Variants in MED12L observed in about 807,000 individuals in gnomAD.
MED12L encodes the protein mediator of RNA polymerase II transcription subunit 12-like protein.
Under a neutral mutation model 281.3 loss-of-function variants are expected in MED12L, and 60 were observed. That is an observed-to-expected ratio of 0.21 (90% confidence interval 0.17 to 0.26). MED12L has a LOEUF of 0.26. MED12L is among the 10% of genes least tolerant of loss of function. The pLI, the probability that MED12L is intolerant of heterozygous loss-of-function variation, is 1.00. For synonymous variants in MED12L, 974 were observed against 987.2 expected, an observed-to-expected ratio of 0.99 and a Z score of 0.25; for missense variants, 2,146 against 2,680.9, an observed-to-expected ratio of 0.80 and a Z score of 4.41.
In MED12L at chr3:151,300,032, G is replaced by A. The variant is rs748425167; in HGVS notation, c.2251-50027G>A. The A allele has an allele frequency of 3.4e-6, 5 of 1,461,252 alleles. No individual in the cohort carries two copies. The South Asian group carries it at 5.7e-5, about 17-fold the overall frequency. The allele number at this position is 1,461,252 out of a possible 1,614,324, so 90.5% of individuals were successfully genotyped here. Reference sequence around the variant, plus strand: ...AGTGGAAATAATAGTCATCAATAAAGTAAGATTTTCTTTGTATCTCTTACG... The same window carrying A: ...AGTGGAAATAATAGTCATCAATAAAATAAGATTTTCTTTGTATCTCTTACG... On this transcript the variant is annotated intron_variant, in intron 16 of 44. Coordinates refer to ENST00000687756, the MANE Select transcript of MED12L (RefSeq NM_001393769.1).
At chr3:151,165,776 T>C (rs1343597206) in intron 10 of MED12L, 70 bp from the exon 11 acceptor site, 3 of 1,470,706 alleles carry the variant, frequency 2.0e-6, no homozygotes, top group Non-Finnish European at 1.9e-6. Flanking sequence ...CATAGAATGG[T>C]GATTTTGTAC....
In MED12L at chr3:151,185,460, A is replaced by C. The variant is rs1374767048; in HGVS notation, c.1625A>C (p.Glu542Ala). The C allele has an allele frequency of 6.2e-7, 1 of 1,613,666 alleles. No homozygotes were observed. Among genetic ancestry groups the C allele is most frequent in the Non-Finnish European group, 8.5e-7 (1 of 1,179,880 alleles). The change falls in exon 12 of 45, where the codon GAG becomes GCG. Residue 542 changes from glutamate (E) to alanine (A), a missense_variant and splice_region_variant. By Grantham distance (107) the Glu-to-Ala change is moderately radical. This residue lies in a region of MED12L where 722 missense variants were observed against 861.2 expected (regional missense o/e 0.84). Coordinates refer to ENST00000687756, the MANE Select transcript of MED12L (RefSeq NM_001393769.1). ...AAGAGGCAAGCAGAAATTGAGGCAG[A>C]GGTAGGTTCCATTTTCTTTCTGCTT... ...LEKRQAEIEA[E>A]RCGESEVLDE...
chr3:151,270,351 A>C (rs902834119), intron 16 of MED12L, among the ~76,000 whole-genome samples: 1 of 151,938 alleles, frequency 6.6e-6, no homozygotes, highest in Non-Finnish European at 1.5e-5. Flanking sequence ...TGGGAAAAGG[A>C]TCTCTACCCC....
chr3:151,237,787 T>G (rs953254060), intron 16 of MED12L, among the ~76,000 whole-genome samples: 2 of 152,226 alleles, frequency 1.3e-5, no homozygotes, highest in Non-Finnish European at 2.9e-5. Flanking sequence ...GTTATTATAT[T>G]GTAGTCTTCA....
intron 11 of MED12L, among the ~76,000 whole-genome samples, chr3:151,181,346 T>G (rs182165616): frequency 6.6e-6 from 1 of 152,184 alleles, no homozygotes; most frequent in African/African-American, 2.4e-5. Context: ...AAATAAAAAT[T>G]GGTAGTTGTA....
chr3:151,213,373 T>C (rs1727511757), intron 16 of MED12L: 1 of 1,613,830 alleles, frequency 6.2e-7, no homozygotes, highest in Admixed American at 1.7e-5. Flanking sequence ...ATTCTGAGCT[T>C]TTAATGGAAT....
At chr3:151,294,129 T>A in intron 16 of MED12L, 1 of 1,177,966 alleles carries the variant, frequency 8.5e-7, no homozygotes, top group Admixed American at 2.2e-5. Flanking sequence ...AACATTTATT[T>A]ACACTTTGTA....
Position 151,086,951 on chromosome 3 carries a change from T to C in MED12L, c.25T>C (p.Tyr9His). The C allele has an allele frequency of 1.2e-6, 2 of 1,607,552 alleles. No individual in the cohort carries two copies. Among genetic ancestry groups the C allele is most frequent in the Non-Finnish European group, 1.7e-6 (2 of 1,177,714 alleles). ...CATGGCCGCCTTCGGGCTTCTCAGC[T>C]ATGAGCAGAGACCGCTGAAGCGCCC... Reference protein sequence around the residue: MAAFGLLSYEQRPLKRPRL... With the variant: MAAFGLLSHEQRPLKRPRL... Residue 9 changes from tyrosine to histidine, a missense_variant, in exon 2 of 45, where the codon TAT becomes CAT. Around this residue, in one of 9 missense-constraint regions of MED12L, gnomAD observed 44 missense variants for 39.7 expected, o/e 1.11. Coordinates refer to ENST00000687756, the MANE Select transcript of MED12L (RefSeq NM_001393769.1).
chr3:151,137,269 C>T (rs1716294437), intron 5 of MED12L, among the ~76,000 whole-genome samples: 1 of 151,858 alleles, frequency 6.6e-6, no homozygotes, highest in African/African-American at 2.4e-5. Flanking sequence ...AAGTACACTT[C>T]TGTTAAATTT....
intron 10 of MED12L, 63 bp from the exon 11 acceptor site, chr3:151,165,783 G>A: frequency 6.6e-7 from 1 of 1,505,922 alleles, no homozygotes; most frequent in Non-Finnish European, 9.1e-7. Context: ...TGGTGATTTT[G>A]TACTGTGTTA....
chr3:151,301,522 T>C (rs893104767), intron 16 of MED12L, among the ~76,000 whole-genome samples: 10 of 152,210 alleles, frequency 6.6e-5, no homozygotes. Flanking sequence ...ATGTTATATT[T>C]CTCATAAAGG....
chr3:151,365,509 C>A (rs1194755751), intron 22 of MED12L, among the ~76,000 whole-genome samples: 1 of 151,924 alleles, frequency 6.6e-6, no homozygotes, highest in African/African-American at 2.4e-5. Context: ...TTGAAAAAAA[C>A]CGTATTTGGG....
intron 16 of MED12L, among the ~76,000 whole-genome samples, chr3:151,286,173 C>T (rs1447427723): frequency 6.6e-6 from 1 of 152,136 alleles, no homozygotes; most frequent in Non-Finnish European, 1.5e-5. Flanking sequence ...TCACATGGCT[C>T]TACCTCCTGA....
chr3:151,158,672 T>A lies in MED12L; in HGVS notation c.727-17T>A. 6.5e-7 allele frequency: 1 copy of A among 1,538,002 alleles called. No homozygotes were observed. The highest frequency in any genetic ancestry group is 1.7e-4 in the Middle Eastern group (1 of 5,812). ...TTCTTTAACATTATTAATGTAATTT[T>A]TCTTTGTTCATTTAAGGAAGGAATG... On this transcript the variant is annotated splice_polypyrimidine_tract_variant and intron_variant, in intron 6 of 44. Transcript: ENST00000687756.
chr3:151,419,741 C>G (rs1425710658), intron 43 of MED12L, among the ~76,000 whole-genome samples: 1 of 152,176 alleles, frequency 6.6e-6, no homozygotes, highest in Non-Finnish European at 1.5e-5. Flanking sequence ...TACAACTATC[C>G]TTCCTGCAAC....
chr3:151,141,187 G>GTTTTTTTGTTTTTTTTTTTT (rs376743895), intron 5 of MED12L, among the ~76,000 whole-genome samples: 6 of 99,122 alleles, frequency 6.1e-5, no homozygotes, highest in South Asian at 3.5e-4. Flanking sequence ...TGTTTTTTTT[G>GTTTTTTTGTTTTTTTTTTTT]TTTTTTTTTT....
rs1019349308 is a variant in MED12L, at chr3:151,434,994, A to C, written c.*2190A>C. On this transcript the variant is annotated 3_prime_UTR_variant, in exon 45 of 45. Transcript: ENST00000687756. ...TGCTGTTTTACCCCTGCGCATTATA[A>C]AGAAAATAACTAGAATTACTTTAGT... 2.0e-5 allele frequency: 3 copies of C among 148,206 alleles called. No homozygotes were observed. Among genetic ancestry groups the C allele is most frequent in the African/African-American group, 7.5e-5 (3 of 39,916 alleles). The allele number at this position is 148,206 out of a possible 1,614,324, so 9.2% of individuals were successfully genotyped here.
rs368668952 is a variant in MED12L at position 151,223,288 on chromosome 3, C to T, written c.2250+29622C>T. ...CCTATTGAAAGCAGTGTAGAGATTTCTCAAAGAACTAAACATAAAATTACC... is the reference window on the plus strand; with the variant it reads ...CCTATTGAAAGCAGTGTAGAGATTTTTCAAAGAACTAAACATAAAATTACC... On this transcript the variant is annotated intron_variant, in intron 16 of 44. Transcript: ENST00000687756. Among the ~76,000 whole-genome samples the T allele has an allele frequency of 5.9e-5, 9 of 151,552 alleles. No individual in the cohort carries two copies. In the South Asian group the frequency reaches 1.0e-3, roughly 18 times the overall value.
At position 151,337,878 on chromosome 3, in the gene MED12L, G is replaced by A. The variant is rs181775983; in HGVS notation, c.2251-12181G>A. 30 of 1,614,066 alleles carry A rather than the reference G, an allele frequency of 1.9e-5. No homozygotes were observed. In the African/African-American group the frequency reaches 2.8e-4, roughly 15 times the overall value. On this transcript the variant is annotated intron_variant, in intron 16 of 44. Transcript: ENST00000687756. ...CTGTTCTTTTTTCCTATTGTCCTGGGACAGAGATGTTGCAGAATTGGGGCA... is the reference window on the plus strand; with the variant it reads ...CTGTTCTTTTTTCCTATTGTCCTGGAACAGAGATGTTGCAGAATTGGGGCA...
Sources: allele counts gnomAD v4.1 joint callset (sites outside exome capture counted in the v4.1 genomes callset), GRCh38; gene constraint gnomAD v4.1.1; regional missense constraint gnomAD v4.1.1; transcripts MANE v1.5; gene names NCBI Gene and HGNC (gene_info 2026-07-23, HGNC 2026-07-21).